Variants in UTRN observed in about 807,000 individuals in gnomAD.
UTRN encodes the protein utrophin.
UTRN carries 283 observed loss-of-function variants against 463.9 expected under a neutral mutation model. That is an observed-to-expected ratio of 0.61 (90% confidence interval 0.55 to 0.67). UTRN has a LOEUF of 0.67. Among genes scored for constraint, UTRN ranks in the 30% least tolerant of loss-of-function variants. UTRN has a pLI of 0.00. For synonymous variants in UTRN, 1,442 were observed against 1,431.5 expected, an observed-to-expected ratio of 1.01 and a Z score of -0.17; for missense variants, 3,922 against 4,084.3, an observed-to-expected ratio of 0.96 and a Z score of 1.08.
At chr6:144,727,571 A>T (rs1045871231) in intron 53 of UTRN, among the ~76,000 whole-genome samples, 4 of 152,040 alleles carry the variant, frequency 2.6e-5, no homozygotes, top group Admixed American at 2.0e-4. Context: ...ATCCTGGCTA[A>T]CACAGTGAAA....
At chr6:144,733,521 A>C (rs13202342) in intron 54 of UTRN, among the ~76,000 whole-genome samples, 32,288 of 150,906 alleles carry the variant, frequency 0.21, 4,702 homozygotes, top group East Asian at 0.5. Context: ...AAAAAAAAAA[A>C]AAAAAACTTT....
At position 144,436,003 on chromosome 6, in the gene UTRN, C is replaced by T. The variant is rs1238552368; in HGVS notation, c.924C>T (p.Asp308=). ...AETPSTVTEV[D]MDLDSYQIAL... ...CTCCCAGCACTGTCACTGAGGTTGA[C>T]ATGGATCTGGACAGCTATCAGATTG... The change falls in exon 10 of 75, where the codon GAC becomes GAT. Residue 308 remains aspartate (D), a synonymous_variant. Transcript: ENST00000367545. The T allele has an allele frequency of 3.1e-6, 5 of 1,614,210 alleles. No homozygotes were observed. The highest frequency in any genetic ancestry group is 4.2e-6 in the Non-Finnish European group (5 of 1,180,050).
intron 34 of UTRN, among the ~76,000 whole-genome samples, chr6:144,500,385 G>A (rs1458829513): frequency 3.3e-5 from 5 of 151,978 alleles, no homozygotes; most frequent in South Asian, 2.1e-4. Flanking sequence ...GCATTTTTTC[G>A]TGTGTTGTTG....
chr6:144,840,883 T>C, intron 73 of UTRN, 51 bp downstream of exon 73: 1 of 1,600,176 alleles, frequency 6.2e-7, no homozygotes, highest in Non-Finnish European at 8.6e-7. Flanking sequence ...CTTCCCTTTC[T>C]CTTTTTCTGC....
intron 3 of UTRN, among the ~76,000 whole-genome samples, chr6:144,406,135 A>G (rs1474214214): frequency 6.6e-6 from 1 of 152,196 alleles, no homozygotes; most frequent in African/African-American, 2.4e-5. Flanking sequence ...TGTTTTTAAA[A>G]ATTTTCCCCT....
intron 55 of UTRN, among the ~76,000 whole-genome samples, chr6:144,750,106 C>T (rs978171458): frequency 1.3e-5 from 2 of 152,160 alleles, no homozygotes; most frequent in Non-Finnish European, 2.9e-5. Flanking sequence ...TGTTCTCAAA[C>T]TGAATCTGAG....
At chr6:144,735,385 T>G (rs1789263082) in intron 54 of UTRN, among the ~76,000 whole-genome samples, 1 of 152,150 alleles carries the variant, frequency 6.6e-6, no homozygotes. Flanking sequence ...AAAGAGCAGC[T>G]GTATTTTGGG....
At chr6:144,823,235 C>G (rs1485818608) in intron 66 of UTRN, among the ~76,000 whole-genome samples, 1 of 151,910 alleles carries the variant, frequency 6.6e-6, no homozygotes, top group East Asian at 1.9e-4. Context: ...GCACCAAGAT[C>G]CTTTTTGGAC....
chr6:144,680,328 G>T (rs1222625421), intron 52 of UTRN, among the ~76,000 whole-genome samples: 1 of 152,046 alleles, frequency 6.6e-6, no homozygotes, highest in Non-Finnish European at 1.5e-5. Context: ...AGCCTATCAT[G>T]ACACATTTTT....
At chr6:144,784,453 A>G (rs1397274386) in intron 61 of UTRN, among the ~76,000 whole-genome samples, 1 of 152,140 alleles carries the variant, frequency 6.6e-6, no homozygotes, top group African/African-American at 2.4e-5. Context: ...ATGTGTGCTC[A>G]TCTCCTCTTC....
chr6:144,817,101 C>T (rs971655440), intron 65 of UTRN, among the ~76,000 whole-genome samples: 1 of 151,996 alleles, frequency 6.6e-6, no homozygotes, highest in African/African-American at 2.4e-5. Context: ...ACATTTTTTT[C>T]CTTACTGAAC....
At chr6:144,448,121 T>C (rs1275011923) in intron 16 of UTRN, among the ~76,000 whole-genome samples, 1 of 152,182 alleles carries the variant, frequency 6.6e-6, no homozygotes, top group Non-Finnish European at 1.5e-5. Flanking sequence ...GCATTATTTA[T>C]AATAGCCAAA....
chr6:144,463,349 A>G (rs1183190115), intron 23 of UTRN, among the ~76,000 whole-genome samples: 3 of 152,208 alleles, frequency 2.0e-5, no homozygotes, highest in East Asian at 3.8e-4. Context: ...AAATTCAGAA[A>G]CAGGATCCTT....
chr6:144,605,163 G>T (rs1017178947), intron 51 of UTRN, among the ~76,000 whole-genome samples: 9 of 152,056 alleles, frequency 5.9e-5, no homozygotes, highest in African/African-American at 1.4e-4. Context: ...TAGGCTAATG[G>T]TATCACCTTT....
intron 2 of UTRN, among the ~76,000 whole-genome samples, chr6:144,397,505 A>G (rs1218172639): frequency 6.6e-6 from 1 of 152,180 alleles, no homozygotes; most frequent in Non-Finnish European, 1.5e-5. Context: ...TTATGGGCAT[A>G]TACAGTTTTC....
intron 3 of UTRN, among the ~76,000 whole-genome samples, 195 bp from the exon 4 acceptor site, chr6:144,421,683 T>C (rs928786680): frequency 2.7e-5 from 4 of 150,790 alleles, no homozygotes; most frequent in African/African-American, 9.8e-5. Flanking sequence ...AGTGAGACTC[T>C]GTCTAAAAAA....
chr6:144,477,121 G>T (rs1050625710), intron 25 of UTRN, among the ~76,000 whole-genome samples: 1 of 152,112 alleles, frequency 6.6e-6, no homozygotes, highest in South Asian at 2.1e-4. Context: ...TGGTTTCTCC[G>T]TGGTAATGGA....
rs74662627 is a variant in UTRN at position 144,682,051 on chromosome 6, C to T, written c.7652+3473C>T. On this transcript the variant is annotated intron_variant, in intron 52 of 74. Transcript: ENST00000367545. Reference sequence around the variant, plus strand: ...CTAAGTTATTATTGACTATAATCACCCTTGTTTTGCTATCAAATACTGGAT... The same window carrying T: ...CTAAGTTATTATTGACTATAATCACTCTTGTTTTGCTATCAAATACTGGAT... 6.6e-5 allele frequency among the ~76,000 whole-genome samples: 10 copies of T among 152,006 alleles called. No individual in the cohort carries two copies. The South Asian group carries it at 1.2e-3, about 19-fold the overall frequency.
At chr6:144,542,651 A>C (rs1163115049) in intron 45 of UTRN, 144 bp from the exon 46 acceptor site, 1 of 717,722 alleles carries the variant, frequency 1.4e-6, no homozygotes, top group Admixed American at 3.0e-5. Context: ...ATTGCAATGG[A>C]GAGTGAAGGT....
Sources: gnomAD v4.1 joint callset for allele counts (sites outside exome capture counted in the v4.1 genomes callset) on GRCh38, gnomAD v4.1.1 for gene constraint, MANE v1.5 for transcripts, NCBI Gene and HGNC (gene_info 2026-07-23, HGNC 2026-07-21) for gene names.